Variants in KCNH5 observed in about 807,000 individuals in gnomAD.
The protein encoded by KCNH5 is voltage-gated delayed rectifier potassium channel KCNH5.
KCNH5 carries 46 observed loss-of-function variants against 96.1 expected under a neutral mutation model. That is an observed-to-expected ratio of 0.48 (90% CI 0.38 to 0.61). The LOEUF (loss-of-function observed/expected upper bound fraction) is 0.61, where lower values mean the gene tolerates loss of function less well. KCNH5 is among the 20% of genes least tolerant of loss of function. The pLI, the probability that KCNH5 is intolerant of heterozygous loss-of-function variation, is 0.00. For synonymous variants in KCNH5, 439 were observed against 449.8 expected, an observed-to-expected ratio of 0.98 and a Z score of 0.30; for missense variants, 907 against 1,225.8, an observed-to-expected ratio of 0.74 and a Z score of 3.88.
chr14:62,977,913 T>C (rs1230056087), intron 6 of KCNH5, among the ~76,000 whole-genome samples: 4 of 152,074 alleles, frequency 2.6e-5, no homozygotes, highest in Non-Finnish European at 5.9e-5. Context: ...AAGACTCAGG[T>C]AGGAAGAAAA....
chr14:62,727,130 T>C (rs143315456), intron 10 of KCNH5, among the ~76,000 whole-genome samples: 1,561 of 152,164 alleles, frequency 0.01, 23 homozygotes, highest in African/African-American at 0.036. Context: ...TTTGGGAGGC[T>C]GAGGTGGGTG....
intron 7 of KCNH5, among the ~76,000 whole-genome samples, chr14:62,877,465 C>T (rs1211420872): frequency 6.6e-6 from 1 of 152,070 alleles, no homozygotes; most frequent in Non-Finnish European, 1.5e-5. Flanking sequence ...GGCTAATATC[C>T]AGAATCTACA....
chr14:62,784,853 C>T (rs964551155), intron 9 of KCNH5, among the ~76,000 whole-genome samples: 2 of 151,934 alleles, frequency 1.3e-5, no homozygotes, highest in East Asian at 1.9e-4. Flanking sequence ...CTATGTTTTT[C>T]GTATCATGGG....
chr14:62,912,464 T>C (rs1889188239), intron 7 of KCNH5, among the ~76,000 whole-genome samples: 1 of 152,078 alleles, frequency 6.6e-6, no homozygotes, highest in South Asian at 2.1e-4. Context: ...TGGAGTGCAA[T>C]GGCACAATCT....
chr14:62,891,871 A>G (rs1215063352), intron 7 of KCNH5, among the ~76,000 whole-genome samples: 2 of 152,212 alleles, frequency 1.3e-5, no homozygotes, highest in Non-Finnish European at 2.9e-5. Flanking sequence ...GGCCAATGTA[A>G]GGCAGTGAAC....
chr14:63,045,349 C>T lies in KCNH5; in HGVS notation c.-163G>A. The T allele has an allele frequency of 1.6e-6, 1 of 642,360 alleles. No homozygotes were observed. Among genetic ancestry groups the T allele is most frequent in the East Asian group, 2.7e-5 (1 of 36,652 alleles). The allele number at this position is 642,360 out of a possible 1,614,324, so 39.8% of individuals were successfully genotyped here. ...TCCCCTGACTGTGTCTCCAGCCCGA[C>T]CCGGATGAGCAGCTCTGGGGAGGAG... On this transcript the variant is annotated 5_prime_UTR_variant, in exon 1 of 11. Transcript: ENST00000322893.
chr14:62,844,123 G>A (rs1227787621), intron 8 of KCNH5, among the ~76,000 whole-genome samples: 1 of 151,760 alleles, frequency 6.6e-6, no homozygotes, highest in Non-Finnish European at 1.5e-5. Context: ...ATTCTGCTGG[G>A]ACATTTCATA....
chr14:62,850,631 A>G (rs771408097), intron 7 of KCNH5, among the ~76,000 whole-genome samples: 9 of 152,086 alleles, frequency 5.9e-5, no homozygotes, highest in Non-Finnish European at 1.2e-4. Flanking sequence ...TCCATAATTC[A>G]CCAACTCTTC....
intron 8 of KCNH5, among the ~76,000 whole-genome samples, chr14:62,833,963 T>A (rs980604054): frequency 2.6e-5 from 4 of 152,100 alleles, no homozygotes; most frequent in Non-Finnish European, 5.9e-5. Context: ...CAGTGTTGCA[T>A]CTGTCTCTAC....
At chr14:62,942,576 T>G (rs1349370653) in intron 7 of KCNH5, among the ~76,000 whole-genome samples, 3 of 152,166 alleles carry the variant, frequency 2.0e-5, no homozygotes, top group African/African-American at 7.2e-5. Context: ...AACTAAATGC[T>G]TCCCAGTTGC....
chr14:63,025,704 G>A (rs143571414), intron 1 of KCNH5, among the ~76,000 whole-genome samples: 86 of 150,116 alleles, frequency 5.7e-4, no homozygotes, highest in African/African-American at 2.1e-3. Flanking sequence ...ATTGATAAAA[G>A]AAACTGAGGA....
chr14:62,830,052 A>T (rs1165939694), intron 8 of KCNH5, among the ~76,000 whole-genome samples: 1 of 152,190 alleles, frequency 6.6e-6, no homozygotes, highest in African/African-American at 2.4e-5. Flanking sequence ...AGTTCCATAC[A>T]TCTCTAGGGC....
At chr14:62,924,712 G>A (rs1323037184) in intron 7 of KCNH5, among the ~76,000 whole-genome samples, 1 of 151,908 alleles carries the variant, frequency 6.6e-6, no homozygotes, top group Non-Finnish European at 1.5e-5. Flanking sequence ...AAACAAGCCA[G>A]GCACAGAAAG....
At chr14:63,033,491 T>C (rs1408903034) in intron 1 of KCNH5, among the ~76,000 whole-genome samples, 2 of 152,140 alleles carry the variant, frequency 1.3e-5, no homozygotes, top group African/African-American at 4.8e-5. Flanking sequence ...TGGAATTAGA[T>C]CCCAATGCAC....
chr14:63,006,214 T>G, intron 3 of KCNH5, 152 bp downstream of exon 3: 1 of 423,360 alleles, frequency 2.4e-6, no homozygotes, highest in East Asian at 3.4e-5. Flanking sequence ...TTTATTAATT[T>G]TATTATCTAA....
chr14:62,946,653 C>A (rs974766387), intron 7 of KCNH5, among the ~76,000 whole-genome samples: 1 of 151,786 alleles, frequency 6.6e-6, no homozygotes, highest in Non-Finnish European at 1.5e-5. Flanking sequence ...TTTGTAATAG[C>A]CAAAATCTGG....
chr14:62,770,755 T>G (rs1885967999), intron 10 of KCNH5, among the ~76,000 whole-genome samples: 1 of 152,362 alleles, frequency 6.6e-6, no homozygotes, highest in African/African-American at 2.4e-5. Flanking sequence ...CTGCTGCTGC[T>G]GCACATCCAT....
At chr14:62,975,925 C>T (rs749297093) in intron 6 of KCNH5, among the ~76,000 whole-genome samples, 11 of 151,896 alleles carry the variant, frequency 7.2e-5, no homozygotes, top group Non-Finnish European at 8.8e-5. Context: ...CAGAAATATA[C>T]GGATCAAATA....
At chr14:62,789,122 T>C in intron 9 of KCNH5, among the ~76,000 whole-genome samples, 1 of 152,198 alleles carries the variant, frequency 6.6e-6, no homozygotes, top group South Asian at 2.1e-4. Context: ...TGTTTTATTC[T>C]CTATCTTTGT....
Sources: allele counts gnomAD v4.1 joint callset (sites outside exome capture counted in the v4.1 genomes callset), GRCh38; gene constraint gnomAD v4.1.1; transcripts MANE v1.5; gene names NCBI Gene and HGNC (gene_info 2026-07-23, HGNC 2026-07-21).